Variants in ST8SIA6 observed in about 807,000 individuals in gnomAD.
ST8SIA6 encodes the protein ST8 alpha-N-acetyl-neuraminide alpha-2,8-sialyltransferase 6.
In ST8SIA6, 39 loss-of-function variants were observed where a neutral mutation model predicts 33.6. That is an observed-to-expected ratio of 1.16 (90% confidence interval 0.90 to 1.52). The LOEUF (loss-of-function observed/expected upper bound fraction) is 1.52, where lower values mean the gene tolerates loss of function less well. ST8SIA6 is among the 40% of genes most tolerant of loss of function. The pLI, the probability that ST8SIA6 is intolerant of heterozygous loss-of-function variation, is 0.00. For synonymous variants in ST8SIA6, 172 were observed against 167.2 expected, an observed-to-expected ratio of 1.03 and a Z score of -0.22; for missense variants, 441 against 443.8, an observed-to-expected ratio of 0.99 and a Z score of 0.06.
At chr10:17,396,156 T>A (rs1211899171) in intron 2 of ST8SIA6, among the ~76,000 whole-genome samples, 1 of 152,162 alleles carries the variant, frequency 6.6e-6, no homozygotes, top group African/African-American at 2.4e-5. Flanking sequence ...GCAAGATTAT[T>A]TTTCTGCCCA....
At chr10:17,439,684 C>G (rs1285898194) in intron 2 of ST8SIA6, among the ~76,000 whole-genome samples, 2 of 152,180 alleles carry the variant, frequency 1.3e-5, no homozygotes, top group African/African-American at 4.8e-5. Flanking sequence ...AGCTTCATCT[C>G]CCCACCGTGT....
intron 2 of ST8SIA6, chr10:17,413,378 G>A (rs1326740509): frequency 2.0e-5 from 3 of 150,978 alleles, no homozygotes; most frequent in Non-Finnish European, 4.4e-5. Flanking sequence ...TGGAATTTAC[G>A]AGTCTTATCA....
At chr10:17,415,022 A>T (rs1369041545) in intron 2 of ST8SIA6, among the ~76,000 whole-genome samples, 1 of 151,818 alleles carries the variant, frequency 6.6e-6, no homozygotes, top group African/African-American at 2.4e-5. Flanking sequence ...CTCTTACATA[A>T]CTAGGGTTAT....
intron 2 of ST8SIA6, among the ~76,000 whole-genome samples, chr10:17,404,974 G>A (rs1851199808): frequency 6.6e-6 from 1 of 152,152 alleles, no homozygotes; most frequent in Non-Finnish European, 1.5e-5. Context: ...GTCCAGGGGA[G>A]AGGCAACTCT....
At chr10:17,442,068 C>T (rs1470888343) in intron 2 of ST8SIA6, among the ~76,000 whole-genome samples, 1 of 152,050 alleles carries the variant, frequency 6.6e-6, no homozygotes, top group African/African-American at 2.4e-5. Flanking sequence ...GGGGTTTCCT[C>T]ATGTTGGCCA....
intron 2 of ST8SIA6, among the ~76,000 whole-genome samples, chr10:17,395,867 G>A (rs1850787766): frequency 6.6e-6 from 1 of 152,090 alleles, no homozygotes. Flanking sequence ...TGGGCAACAA[G>A]AGCGAAACAA....
At chr10:17,448,969 T>C (rs1377998212) in intron 2 of ST8SIA6, among the ~76,000 whole-genome samples, 1 of 151,106 alleles carries the variant, frequency 6.6e-6, no homozygotes, top group East Asian at 1.9e-4. Context: ...ATTAATATTA[T>C]TTAAGAAAAT....
At chr10:17,346,466 C>T (rs1302925997) in intron 4 of ST8SIA6, among the ~76,000 whole-genome samples, 1 of 152,100 alleles carries the variant, frequency 6.6e-6, no homozygotes, top group Admixed American at 6.5e-5. Context: ...TGGTGGCATG[C>T]TCCTATAGTC....
chr10:17,390,171 G>A (rs1850532776), intron 3 of ST8SIA6, among the ~76,000 whole-genome samples: 1 of 152,024 alleles, frequency 6.6e-6, no homozygotes, highest in African/African-American at 2.4e-5. Context: ...TTGTAGAGAT[G>A]AGGGTTTTGC....
chr10:17,386,038 A>T (rs1850330369), intron 3 of ST8SIA6, among the ~76,000 whole-genome samples: 2 of 152,158 alleles, frequency 1.3e-5, no homozygotes, highest in South Asian at 4.1e-4. Context: ...GAAATTAGCC[A>T]GCCATGGTGG....
chr10:17,431,186 C>T (rs1487676675), intron 2 of ST8SIA6, among the ~76,000 whole-genome samples: 2 of 152,144 alleles, frequency 1.3e-5, no homozygotes, highest in Non-Finnish European at 2.9e-5. Context: ...CCAAGGGCTG[C>T]CACCTTTGGC....
At position 17,321,190 on chromosome 10, in the gene ST8SIA6, C is replaced by A; in HGVS notation, c.885G>T (p.Lys295Asn). 1 of 1,613,988 alleles carries A rather than the reference C, an allele frequency of 6.2e-7. No individual in the cohort carries two copies. Among genetic ancestry groups the A allele is most frequent in the Non-Finnish European group, 8.5e-7 (1 of 1,179,970 alleles). ...YTLEESKARQ[K>N]VLFFHPKYLK... ...GGTACTTGGGATGGAAAAATAGAACCTTTTGTCTTGCTTTAGACTCTTCGA... is the reference window on the plus strand; with the variant it reads ...GGTACTTGGGATGGAAAAATAGAACATTTTGTCTTGCTTTAGACTCTTCGA... Residue 295 changes from lysine (K) to asparagine (N), a missense_variant, in exon 8 of 8, where the codon AAG (lysine) becomes AAT (asparagine). Coordinates refer to ENST00000377602, the MANE Select transcript of ST8SIA6 (RefSeq NM_001004470.3).
intron 3 of ST8SIA6, among the ~76,000 whole-genome samples, chr10:17,380,681 T>C (rs758870084): frequency 1.3e-5 from 2 of 152,116 alleles, no homozygotes; most frequent in Non-Finnish European, 2.9e-5. Context: ...AAAAACAAAT[T>C]TGTGTAAGGA....
chr10:17,354,319 G>A (rs1409639366), intron 4 of ST8SIA6, among the ~76,000 whole-genome samples: 4 of 152,190 alleles, frequency 2.6e-5, no homozygotes, highest in Non-Finnish European at 5.9e-5. Flanking sequence ...CTAAAAATCA[G>A]AGGGAGAGAC....
At chr10:17,414,433 G>GC (rs1238561946) in intron 2 of ST8SIA6, among the ~76,000 whole-genome samples, 1 of 152,140 alleles carries the variant, frequency 6.6e-6, no homozygotes, top group Admixed American at 6.5e-5. Flanking sequence ...ATAGAAGCCT[G>GC]CAGAGGAGCA....
intron 4 of ST8SIA6, among the ~76,000 whole-genome samples, chr10:17,333,717 A>ATATATAT (rs1251981910): frequency 3.3e-4 from 11 of 33,760 alleles, no homozygotes; most frequent in Non-Finnish European, 4.7e-4. Flanking sequence ...ATATATATAT[A>ATATATAT]TTTTTTTTTT....
chr10:17,446,428 C>T (rs1852709525), intron 2 of ST8SIA6, among the ~76,000 whole-genome samples: 1 of 152,088 alleles, frequency 6.6e-6, no homozygotes, highest in Non-Finnish European at 1.5e-5. Flanking sequence ...ATGTAAAAGG[C>T]TACTTAAATG....
intron 4 of ST8SIA6, among the ~76,000 whole-genome samples, chr10:17,344,975 T>C (rs1184994650): frequency 6.7e-6 from 1 of 148,368 alleles, no homozygotes; most frequent in Non-Finnish European, 1.5e-5. Flanking sequence ...CTATTCTTAC[T>C]ACTAGGAATG....
intron 3 of ST8SIA6, among the ~76,000 whole-genome samples, chr10:17,380,555 G>A (rs1850095176): frequency 6.6e-6 from 1 of 152,182 alleles, no homozygotes; most frequent in Non-Finnish European, 1.5e-5. Flanking sequence ...TACAAAAGGG[G>A]CTTTATTTAC....
Sources: gnomAD v4.1 joint callset for allele counts (sites outside exome capture counted in the v4.1 genomes callset) on GRCh38, gnomAD v4.1.1 for gene constraint, MANE v1.5 for transcripts, NCBI Gene and HGNC (gene_info 2026-07-23, HGNC 2026-07-21) for gene names.